Variants in TTC23L observed in about 807,000 individuals in gnomAD.
The protein encoded by TTC23L is tetratricopeptide repeat protein 23-like.
TTC23L carries 42 observed loss-of-function variants against 48.1 expected under a neutral mutation model. That is an observed-to-expected ratio of 0.87 (90% CI 0.68 to 1.13). TTC23L has a LOEUF of 1.13. Among genes scored for constraint, TTC23L ranks in the 50% most tolerant of loss-of-function variants. The probability of loss-of-function intolerance (pLI) is 0.00; values close to 1 mark genes in which losing one functional copy is unlikely to be tolerated. For missense variants in TTC23L, 391 were observed against 421.0 expected (o/e 0.93, Z 0.62); for synonymous variants, 159 against 157.2 (o/e 1.01, Z -0.09).
chr5:34,922,850 T>G, the TTC23L span: 2 of 1,385,310 alleles, frequency 1.4e-6, no homozygotes, highest in Non-Finnish European at 2.0e-6. Flanking sequence ...TGTTATTCAA[T>G]TTAGTTTCAC....
chr5:34,869,914 T>C (rs74977775), intron 8 of TTC23L: 174 of 152,288 alleles, frequency 1.1e-3, no homozygotes, highest in African/African-American at 4.0e-3. Context: ...TTCTTTGTTT[T>C]TCAGCTAATC....
At chr5:34,852,992 C>T (rs917271921) in intron 4 of TTC23L, among the ~76,000 whole-genome samples, 7 of 152,102 alleles carry the variant, frequency 4.6e-5, no homozygotes, top group Non-Finnish European at 1.0e-4. Context: ...ATGGGAAAAC[C>T]CTGCCCCTGT....
In TTC23L at chr5:34,867,174, T is replaced by C. The variant is rs781060617; in HGVS notation, c.840+105T>C. 111 of 1,205,362 alleles carry C rather than the reference T, an allele frequency of 9.2e-5. 2 individuals carry two copies. In the Admixed American group the frequency reaches 1.5e-3, roughly 16 times the overall value. The allele number at this position is 1,205,362 out of a possible 1,614,324, so 74.7% of individuals were successfully genotyped here. The stretch of plus-strand genomic sequence containing the variant: ...CTTCTCAGAAGAACAAGGGCTGGAA[T>C]TGATTCTGTTTTAACCCTGACTTTC... On this transcript the variant is annotated intron_variant, in intron 7 of 10. Transcript: ENST00000505624.
chr5:34,867,018 G>A, exon 7 of TTC23L: 12 of 1,612,240 alleles, frequency 7.4e-6, no homozygotes, highest in Non-Finnish European at 1.0e-5. Context: ...AAGCTGCTCA[G>A]ATAGAGCAGC....
chr5:34,910,508 A>G, the TTC23L span, among the ~76,000 whole-genome samples: 1 of 151,042 alleles, frequency 6.6e-6, no homozygotes, highest in African/African-American at 2.4e-5. Context: ...GCTCACCGCA[A>G]CCTCCACTTC....
intron 8 of TTC23L, among the ~76,000 whole-genome samples, chr5:34,870,816 C>T (rs1369820299): frequency 6.6e-6 from 1 of 152,130 alleles, no homozygotes; most frequent in African/African-American, 2.4e-5. Flanking sequence ...GGATGTCACA[C>T]TGGTTTAATA....
At chr5:34,918,159 A>C in the TTC23L span, 2 of 355,962 alleles carry the variant, frequency 5.6e-6, no homozygotes, top group African/African-American at 4.3e-5. Flanking sequence ...AAAAAAAAAA[A>C]ACTAGCTGGA....
the TTC23L span, among the ~76,000 whole-genome samples, chr5:34,919,643 AT>A: frequency 5.3e-5 from 8 of 152,062 alleles, no homozygotes; most frequent in African/African-American, 1.9e-4. Flanking sequence ...TATTTTACTT[AT>A]TTTCTTTACA....
At chr5:34,892,622 T>C (rs1762941564) in intron 9 of TTC23L, among the ~76,000 whole-genome samples, 1 of 152,142 alleles carries the variant, frequency 6.6e-6, no homozygotes, top group African/African-American at 2.4e-5. Context: ...TAATAAATCA[T>C]GAGGTTAGAA....
At chr5:34,911,508 A>C in the TTC23L span, 1 of 1,592,140 alleles carries the variant, frequency 6.3e-7, no homozygotes, top group Non-Finnish European at 8.6e-7. Flanking sequence ...AAGTGGGAAG[A>C]TGGAGTACAG....
chr5:34,861,258 G>A lies in TTC23L; in HGVS notation c.380-1640G>A, dbSNP rs148563841. Reference sequence around the variant, plus strand: ...TGGGATTACAGGCGTGAGCCACCACGCCCAGCCAGATGCTGTATTTCTTCT... The same window carrying A: ...TGGGATTACAGGCGTGAGCCACCACACCCAGCCAGATGCTGTATTTCTTCT... On this transcript the variant is annotated intron_variant, in intron 4 of 10. Transcript: ENST00000505624. 6.2e-3 allele frequency: 954 copies of A among 154,034 alleles called. 3 individuals are homozygous for A. The highest frequency in any genetic ancestry group is 8.2e-3 in the Non-Finnish European group (567 of 69,232). 9.5% of individuals were successfully genotyped at this position (154,034 alleles called of 1,614,324 possible).
chr5:34,919,936 T>C, the TTC23L span: 1 of 684,048 alleles, frequency 1.5e-6, no homozygotes. Flanking sequence ...TAACAGTGGC[T>C]TATTTCAAAA....
At chr5:34,868,976 C>T (rs1407858538) in exon 8 of TTC23L, 2 of 1,610,526 alleles carry the variant, frequency 1.2e-6, no homozygotes, top group Non-Finnish European at 1.7e-6. Flanking sequence ...CGTTACTGGC[C>T]AAAGCTTATG....
chr5:34,858,617 T>C (rs1376817243), intron 4 of TTC23L, among the ~76,000 whole-genome samples: 4 of 152,048 alleles, frequency 2.6e-5, no homozygotes, highest in African/African-American at 9.7e-5. Context: ...AAATAGATTG[T>C]GTACAACAGT....
intron 4 of TTC23L, among the ~76,000 whole-genome samples, chr5:34,857,873 C>A (rs372423703): frequency 7.2e-5 from 11 of 152,220 alleles, no homozygotes; most frequent in South Asian, 4.2e-4. Context: ...TGGCTCTAGA[C>A]CCTGCTCTTT....
downstream of TTC23L, among the ~76,000 whole-genome samples, chr5:34,900,634 T>C (rs1221357825): frequency 2.6e-5 from 4 of 152,234 alleles, no homozygotes; most frequent in East Asian, 7.7e-4. Flanking sequence ...CAGACCTCAA[T>C]CTTTGATACA....
At chr5:34,894,142 C>T (rs544674661) in intron 9 of TTC23L, among the ~76,000 whole-genome samples, 35 of 152,182 alleles carry the variant, frequency 2.3e-4, no homozygotes, top group Admixed American at 9.2e-4. Flanking sequence ...TAACCTTTGA[C>T]TCTGAAAGAC....
At chr5:34,851,879 CACA>C (rs1759702006) in intron 4 of TTC23L, among the ~76,000 whole-genome samples, 1 of 152,090 alleles carries the variant, frequency 6.6e-6, no homozygotes, top group African/African-American at 2.4e-5. Flanking sequence ...GCTCTAGGAG[CACA>C]CAGGGGTCTT....
chr5:34,881,945 G>A (rs1305674432), intron 9 of TTC23L, among the ~76,000 whole-genome samples: 2 of 151,552 alleles, frequency 1.3e-5, no homozygotes, highest in Admixed American at 6.6e-5. Context: ...TTGTAGAAAC[G>A]GGGTTTAATC....
Sources: allele counts gnomAD v4.1 joint callset (sites outside exome capture counted in the v4.1 genomes callset), GRCh38; gene constraint gnomAD v4.1.1; transcripts MANE v1.5; gene names NCBI Gene and HGNC (gene_info 2026-07-23, HGNC 2026-07-21).